The following MYBL1 variants were observed in gnomAD, a reference collection of about 807,000 sequenced individuals.
The protein encoded by MYBL1 is myb-related protein A.
MYBL1 carries 17 observed loss-of-function variants against 96.3 expected under a neutral mutation model. That is an observed-to-expected ratio of 0.18 (90% CI 0.12 to 0.26). MYBL1 has a LOEUF of 0.26. MYBL1 is among the 10% of genes least tolerant of loss of function. The pLI is 1.00. For missense variants in MYBL1, 701 were observed against 882.9 expected, an observed-to-expected ratio of 0.79 and a Z score of 2.61; for synonymous variants, 282 against 292.7, an observed-to-expected ratio of 0.96 and a Z score of 0.37.
chr8:66,568,793 G>A (rs1399388848), intron 12 of MYBL1, among the ~76,000 whole-genome samples: 12 of 152,092 alleles, frequency 7.9e-5, no homozygotes, highest in Non-Finnish European at 1.5e-4. Flanking sequence ...TTGGGAGACC[G>A]AGGCGGGCAG....
chr8:66,584,034 CAA>C (rs2129861238), intron 8 of MYBL1, among the ~76,000 whole-genome samples: 1 of 152,000 alleles, frequency 6.6e-6, no homozygotes, highest in East Asian at 1.9e-4. Flanking sequence ...AACATAGATG[CAA>C]AAAGACATTC....
intron 8 of MYBL1, among the ~76,000 whole-genome samples, chr8:66,588,935 G>A (rs1438443220): frequency 3.3e-5 from 5 of 152,238 alleles, no homozygotes; most frequent in Admixed American, 6.5e-5. Context: ...CAGGAGAATC[G>A]CTTGAACCAG....
chr8:66,572,121 A>T (rs1452659315), intron 12 of MYBL1, among the ~76,000 whole-genome samples: 1 of 151,784 alleles, frequency 6.6e-6, no homozygotes, highest in Non-Finnish European at 1.5e-5. Flanking sequence ...GGAGTTCAAG[A>T]CCAGGCTGGC....
chr8:66,573,232 C>G (rs1369140993), intron 11 of MYBL1, 132 bp downstream of exon 11: 3 of 951,248 alleles, frequency 3.2e-6, no homozygotes, highest in Non-Finnish European at 4.3e-6. Flanking sequence ...CAAAACAAAA[C>G]AAAACAAAAA....
At chr8:66,572,368 T>A in intron 12 of MYBL1, 114 bp downstream of exon 12, 1 of 548,958 alleles carries the variant, frequency 1.8e-6, no homozygotes, top group East Asian at 2.9e-5. Flanking sequence ...TAAAGCTTTG[T>A]ATCTGTTTCA....
intron 5 of MYBL1, among the ~76,000 whole-genome samples, chr8:66,596,266 CA>C (rs1347240594): frequency 6.6e-6 from 1 of 152,046 alleles, no homozygotes; most frequent in East Asian, 1.9e-4. Context: ...TCATGAAAAG[CA>C]AATCACAAAC....
In MYBL1 at chr8:66,602,320, G is replaced by A. The variant is rs530295515; in HGVS notation, c.126+98C>T. On this transcript the variant is annotated intron_variant, in intron 2 of 15. Transcript: ENST00000522677. ...CCCATCTCGGCCTCCCAAAGGGCTG[G>A]GATTACAGGCGTGAGCCACCACACC... The A allele has an allele frequency of 1.9e-4, 140 of 719,078 alleles. 1 individual carries two copies. Among genetic ancestry groups the A allele is most frequent in the Non-Finnish European group, 1.3e-5 (6 of 471,628 alleles). 44.5% of individuals were successfully genotyped at this position (719,078 alleles called of 1,614,324 possible).
At chr8:66,583,051 T>C (rs1809281228) in intron 8 of MYBL1, among the ~76,000 whole-genome samples, 1 of 152,210 alleles carries the variant, frequency 6.6e-6, no homozygotes, top group Non-Finnish European at 1.5e-5. Flanking sequence ...AGAATATACA[T>C]TCTTTTCATC....
chr8:66,592,682 C>G (rs1164992861), intron 7 of MYBL1, 138 bp from the exon 8 acceptor site: 5 of 532,322 alleles, frequency 9.4e-6, no homozygotes, highest in African/African-American at 2.0e-5. Flanking sequence ...ATACTAACTA[C>G]TCATTATCAC....
At chr8:66,580,461 T>C (rs1305181984) in intron 8 of MYBL1, 95 bp from the exon 9 acceptor site, 8 of 771,114 alleles carry the variant, frequency 1.0e-5, no homozygotes, top group African/African-American at 1.8e-5. Context: ...AAAAACATAG[T>C]AGCAAATATT....
chr8:66,578,473 T>C (rs1207136581), intron 9 of MYBL1, among the ~76,000 whole-genome samples: 1 of 152,126 alleles, frequency 6.6e-6, no homozygotes, highest in African/African-American at 2.4e-5. Flanking sequence ...AAAAGACACT[T>C]GAAAAAATGC....
At chr8:66,587,886 C>A (rs1328320272) in intron 8 of MYBL1, among the ~76,000 whole-genome samples, 2 of 152,122 alleles carry the variant, frequency 1.3e-5, no homozygotes, top group African/African-American at 4.8e-5. Flanking sequence ...ATAGGAAGCA[C>A]TGAATAATGG....
intron 12 of MYBL1, among the ~76,000 whole-genome samples, chr8:66,570,766 A>C (rs2129729431): frequency 6.6e-6 from 1 of 152,354 alleles, no homozygotes; most frequent in East Asian, 1.9e-4. Flanking sequence ...ATATTATGCA[A>C]ACGTTAAAAA....
chr8:66,586,036 T>C (rs1809404995), intron 8 of MYBL1, among the ~76,000 whole-genome samples: 1 of 149,732 alleles, frequency 6.7e-6, no homozygotes, highest in African/African-American at 2.5e-5. Context: ...GGTTTTGTTT[T>C]TTGGTGTTTT....
chr8:66,583,911 A>T (rs190816119), intron 8 of MYBL1, among the ~76,000 whole-genome samples: 1 of 152,326 alleles, frequency 6.6e-6, no homozygotes, highest in Admixed American at 6.5e-5. Context: ...ATTCTTTTCC[A>T]ATTCTCTCAG....
At chr8:66,590,601 CAAAAAA>C (rs983941485) in intron 8 of MYBL1, among the ~76,000 whole-genome samples, 2 of 65,260 alleles carry the variant, frequency 3.1e-5, no homozygotes, top group Non-Finnish European at 6.5e-5. Flanking sequence ...CTTAGCTAAT[CAAAAAA>C]AAAAAAAAAA....
chr8:66,576,628 ATAAGT>A (rs1368277081), intron 9 of MYBL1, among the ~76,000 whole-genome samples: 5 of 152,166 alleles, frequency 3.3e-5, no homozygotes, highest in African/African-American at 1.2e-4. Context: ...AGAACAAATG[ATAAGT>A]TATTATCAAA....
At chr8:66,594,943 T>C (rs1586587285) in intron 6 of MYBL1, among the ~76,000 whole-genome samples, 1 of 152,250 alleles carries the variant, frequency 6.6e-6, no homozygotes. Flanking sequence ...TTGTGAAAAA[T>C]GGCATAACAG....
chr8:66,582,429 A>G (rs1425400683), intron 8 of MYBL1, among the ~76,000 whole-genome samples: 1 of 151,632 alleles, frequency 6.6e-6, no homozygotes, highest in Admixed American at 6.6e-5. Flanking sequence ...TAAAAACTAT[A>G]AAAAGAAGCT....
Sources: gnomAD v4.1 joint callset for allele counts (sites outside exome capture counted in the v4.1 genomes callset) on GRCh38, gnomAD v4.1.1 for gene constraint, MANE v1.5 for transcripts, NCBI Gene and HGNC (gene_info 2026-07-23, HGNC 2026-07-21) for gene names.